PRIMA1: variants seen among roughly 807,000 people sequenced by gnomAD.
PRIMA1 encodes the protein proline-rich membrane anchor 1.
PRIMA1 carries 7 observed loss-of-function variants against 17.5 expected under a neutral mutation model. The observed-to-expected ratio is 0.40, with a 90% CI of 0.23 to 0.75. The LOEUF (loss-of-function observed/expected upper bound fraction) is 0.75, where lower values mean the gene tolerates loss of function less well. Among genes scored for constraint, PRIMA1 ranks in the 30% least tolerant of loss-of-function variants. The probability of loss-of-function intolerance (pLI) is 0.37; values close to 1 mark genes in which losing one functional copy is unlikely to be tolerated. For synonymous variants in PRIMA1, 97 were observed against 77.9 expected, an observed-to-expected ratio of 1.25 and a Z score of -1.29; for missense variants, 200 against 201.8, an observed-to-expected ratio of 0.99 and a Z score of 0.05.
chr14:93,719,105 C>T lies in PRIMA1; in HGVS notation c.*2339G>A, dbSNP rs1218192226. On this transcript the variant is annotated 3_prime_UTR_variant, in exon 5 of 5. Transcript: ENST00000393140. ...AAGTGAATCTTTTAAAAAAACTAGG[C>T]TCTTCCCTTGATTTTTGCTAACTGG... 2 of 152,118 alleles carry T rather than the reference C, an allele frequency of 1.3e-5. No individual in the cohort carries two copies. The highest frequency in any genetic ancestry group is 2.4e-5 in the African/African-American group (1 of 41,426). The allele number at this position is 152,118 out of a possible 1,614,324, so 9.4% of individuals were successfully genotyped here.
intron 3 of PRIMA1, among the ~76,000 whole-genome samples, chr14:93,778,773 A>C (rs1885292179): frequency 6.6e-6 from 1 of 152,178 alleles, no homozygotes; most frequent in South Asian, 2.1e-4. Flanking sequence ...CTGCTCCCAG[A>C]GCACTGACTT....
At chr14:93,756,960 G>A (rs2076294777) in intron 3 of PRIMA1, among the ~76,000 whole-genome samples, 1 of 152,190 alleles carries the variant, frequency 6.6e-6, no homozygotes, top group African/African-American at 2.4e-5. Context: ...AAAGTGAAGT[G>A]AGATCCTATT....
Position 93,737,264 on chromosome 14 carries a change from G to C in PRIMA1, c.336C>G (p.Ile112Met). The C allele has an allele frequency of 6.2e-7, 1 of 1,614,140 alleles. No homozygotes were observed. The highest frequency in any genetic ancestry group is 8.5e-7 in the Non-Finnish European group (1 of 1,180,016). ...ACCTTTTTATGGCTTTGTAGCAAATGATGACAAGCACAGTCAGAAACACCA... is the reference window on the plus strand; with the variant it reads ...ACCTTTTTATGGCTTTGTAGCAAATCATGACAAGCACAGTCAGAAACACCA... ...ASLVFLTVLV[I>M]ICYKAIKRKP... The change falls in exon 4 of 5, where the codon ATC becomes ATG. Residue 112 changes from isoleucine (I) to methionine (M), a missense_variant. By Grantham distance (10) the Ile-to-Met change is conservative. Coordinates refer to ENST00000393140, the MANE Select transcript of PRIMA1 (RefSeq NM_178013.4).
intron 3 of PRIMA1, among the ~76,000 whole-genome samples, chr14:93,776,563 T>G (rs1339139227): frequency 6.6e-6 from 1 of 152,150 alleles, no homozygotes; most frequent in African/African-American, 2.4e-5. Context: ...CAACCCACAC[T>G]GTCAAAACAG....
At position 93,721,146 on chromosome 14, in the gene PRIMA1, A is replaced by C. The variant is rs577484404; in HGVS notation, c.*298T>G. ...CTTCGCCAGTGCGCATGCTTTAGACAGCAGCTGGGGGCAGTCGACAGACCA... is the reference window on the plus strand; with the variant it reads ...CTTCGCCAGTGCGCATGCTTTAGACCGCAGCTGGGGGCAGTCGACAGACCA... On this transcript the variant is annotated 3_prime_UTR_variant, in exon 5 of 5. Transcript: ENST00000393140. 4.9e-4 allele frequency: 183 copies of C among 372,632 alleles called. No individual in the cohort carries two copies. Among genetic ancestry groups the C allele is most frequent in the African/African-American group, 3.6e-3 (175 of 48,548 alleles). 23.1% of individuals were successfully genotyped at this position (372,632 alleles called of 1,614,324 possible).
chr14:93,726,745 G>T lies in PRIMA1; in HGVS notation c.360-5199C>A, dbSNP rs978574289. 6.6e-6 allele frequency among the ~76,000 whole-genome samples: 1 copy of T among 151,340 alleles called. No homozygotes were observed. Among genetic ancestry groups the T allele is most frequent in the Non-Finnish European group, 1.5e-5 (1 of 67,898 alleles). On this transcript the variant is annotated intron_variant, in intron 4 of 4. Transcript: ENST00000393140. The surrounding 1 kb of genome is among the most constrained non-coding windows in gnomAD (Gnocchi z 4.2). Reference sequence around the variant, plus strand: ...CACACACACATATATGTACACACAGGCACATACGCATAAATGTACAAATCC... The same window carrying T: ...CACACACACATATATGTACACACAGTCACATACGCATAAATGTACAAATCC...
chr14:93,777,758 G>A (rs1049720819), intron 3 of PRIMA1, among the ~76,000 whole-genome samples: 2 of 152,206 alleles, frequency 1.3e-5, no homozygotes, highest in African/African-American at 4.8e-5. Flanking sequence ...CACTCTTTGT[G>A]GGTTGCTGAC....
rs535646018 is a variant in PRIMA1, at chr14:93,752,279, G to A, written c.230-14909C>T. ...TATAGATAAGGAAACTGAGGGTTCC[G>A]AAGGTCAAAGAAGCAAAGTCACAGA... On this transcript the variant is annotated intron_variant, in intron 3 of 4. Coordinates refer to ENST00000393140, the MANE Select transcript of PRIMA1 (RefSeq NM_178013.4). Among the ~76,000 whole-genome samples the A allele has an allele frequency of 9.9e-5, 15 of 152,282 alleles. No individual in the cohort carries two copies. In the South Asian group the frequency reaches 1.7e-3, roughly 17 times the overall value.
chr14:93,782,642 T>G (rs949329166), intron 2 of PRIMA1, among the ~76,000 whole-genome samples: 1 of 152,130 alleles, frequency 6.6e-6, no homozygotes, highest in Non-Finnish European at 1.5e-5. Context: ...AACAAAAAAA[T>G]CAATGGTTCT....
rs964779597 is a variant in PRIMA1 at position 93,721,232 on chromosome 14, G to A, written c.*212C>T. The A allele has an allele frequency of 2.0e-5, 11 of 551,046 alleles. No homozygotes were observed. Among genetic ancestry groups the A allele is most frequent in the South Asian group, 8.9e-5 (4 of 44,754 alleles). The allele number at this position is 551,046 out of a possible 1,614,324, so 34.1% of individuals were successfully genotyped here. ...GGTGGGGACACTGCCCAGGTGCTGC[G>A]CCGGGCTCAGCCTGGTGTCCGAGCT... On this transcript the variant is annotated 3_prime_UTR_variant, in exon 5 of 5. Transcript: ENST00000393140.
At chr14:93,747,736 G>A (rs916208402) in intron 3 of PRIMA1, among the ~76,000 whole-genome samples, 6 of 151,396 alleles carry the variant, frequency 4.0e-5, no homozygotes, top group South Asian at 2.1e-4. Flanking sequence ...ATGAGTGTGC[G>A]AGTGGGAAGT....
At chr14:93,766,812 T>C (rs1340060662) in intron 3 of PRIMA1, among the ~76,000 whole-genome samples, 3 of 152,206 alleles carry the variant, frequency 2.0e-5, no homozygotes, top group East Asian at 3.8e-4. Flanking sequence ...CTGGGTTTCA[T>C]GCCCTCAGTG....
At chr14:93,767,546 C>T (rs1884927873) in intron 3 of PRIMA1, among the ~76,000 whole-genome samples, 1 of 152,210 alleles carries the variant, frequency 6.6e-6, no homozygotes, top group South Asian at 2.1e-4. Flanking sequence ...AATGTCAACT[C>T]ACTGTTCCTG....
chr14:93,788,114 C>T (rs1885579775), intron 1 of PRIMA1, among the ~76,000 whole-genome samples: 1 of 152,144 alleles, frequency 6.6e-6, no homozygotes, highest in Non-Finnish European at 1.5e-5. Flanking sequence ...TCAAACCCGG[C>T]GGGCACTACT....
At chr14:93,738,708 T>TAA (rs1196527503) in intron 3 of PRIMA1, among the ~76,000 whole-genome samples, 1 of 152,150 alleles carries the variant, frequency 6.6e-6, no homozygotes, top group East Asian at 1.9e-4. Flanking sequence ...CCCCCCATCT[T>TAA]AAAAGTACCA....
chr14:93,742,249 T>G (rs1486992846), intron 3 of PRIMA1, among the ~76,000 whole-genome samples: 1 of 152,206 alleles, frequency 6.6e-6, no homozygotes, highest in Non-Finnish European at 1.5e-5. Flanking sequence ...TAGGCCCAGC[T>G]CACTGCCTTG....
rs549843899 is a variant in PRIMA1, at chr14:93,747,500, G to A, written c.230-10130C>T. On this transcript the variant is annotated intron_variant, in intron 3 of 4. Coordinates refer to ENST00000393140, the MANE Select transcript of PRIMA1 (RefSeq NM_178013.4). Reference sequence around the variant, plus strand: ...CGGCATCGTGGAGCCATATCTGGGGGGAGAAGTCATGGGAAGGATTTCAAG... The same window carrying A: ...CGGCATCGTGGAGCCATATCTGGGGAGAGAAGTCATGGGAAGGATTTCAAG... Among the ~76,000 whole-genome samples, 4 of 152,262 alleles carry A rather than the reference G, an allele frequency of 2.6e-5. No individual in the cohort carries two copies. The South Asian group carries it at 8.3e-4, about 32-fold the overall frequency.
chr14:93,754,877 A>G (rs1184515429), intron 3 of PRIMA1, among the ~76,000 whole-genome samples: 2 of 152,172 alleles, frequency 1.3e-5, no homozygotes, highest in East Asian at 3.9e-4. Flanking sequence ...TCATACAGAC[A>G]GGGTGACGCT....
At position 93,779,281 on chromosome 14, in the gene PRIMA1, A is replaced by G; in HGVS notation, c.124T>C (p.Ser42Pro). The change falls in exon 3 of 5, where the codon TCC becomes CCC. Residue 42 changes from serine to proline, a missense_variant. Physicochemically the swap from Ser to Pro is moderately conservative, Grantham distance 74. Transcript: ENST00000393140. ...TGTCGGCAGCTGTCAGTCACTTTGG[A>G]GCAGGACTTCTGGGGCTCACCATGC... The part of the protein sequence containing the change: ...VTHGEPQKSC[S>P]KVTDSCRHVC... The G allele has an allele frequency of 6.5e-7, 1 of 1,550,216 alleles. No individual in the cohort carries two copies. Among genetic ancestry groups the G allele is most frequent in the African/African-American group, 1.4e-5 (1 of 70,502 alleles).
Sources: allele counts gnomAD v4.1 joint callset (sites outside exome capture counted in the v4.1 genomes callset), GRCh38; gene constraint gnomAD v4.1.1; non-coding constraint Gnocchi (gnomAD v3.1); transcripts MANE v1.5; gene names NCBI Gene and HGNC (gene_info 2026-07-23, HGNC 2026-07-21).